Variants in ZNF525 observed in about 807,000 individuals in gnomAD.
ZNF525 encodes zinc finger protein 525.
ZNF525 carries 33 observed loss-of-function variants against 37.6 expected under a neutral mutation model. The observed-to-expected ratio is 0.88, with a 90% CI of 0.67 to 1.17. ZNF525 has a LOEUF of 1.17. Among genes scored for constraint, ZNF525 ranks in the 50% most tolerant of loss-of-function variants. The pLI, the probability that ZNF525 is intolerant of heterozygous loss-of-function variation, is 0.00. For synonymous variants in ZNF525, 170 were observed against 182.3 expected, an observed-to-expected ratio of 0.93 and a Z score of 0.54; for missense variants, 449 against 543.1, an observed-to-expected ratio of 0.83 and a Z score of 1.72.
chr19:53,370,418 A>C (rs1457793273), intron 1 of ZNF525, among the ~76,000 whole-genome samples: 4 of 149,086 alleles, frequency 2.7e-5, no homozygotes, highest in Non-Finnish European at 6.0e-5. Flanking sequence ...CATGTCAAAA[A>C]AAAAAAAAAA....
chr19:53,372,626 G>A (rs1045212290), intron 2 of ZNF525, among the ~76,000 whole-genome samples: 2 of 152,194 alleles, frequency 1.3e-5, no homozygotes, highest in African/African-American at 2.4e-5. Context: ...AGCTCTCTGT[G>A]GACCAGGATT....
At chr19:53,377,290 G>T (rs2085529044) in intron 3 of ZNF525, among the ~76,000 whole-genome samples, 1 of 152,132 alleles carries the variant, frequency 6.6e-6, no homozygotes, top group Non-Finnish European at 1.5e-5. Flanking sequence ...CAATTCTCCT[G>T]CCTCAGTTTC....
rs373308568 is a variant in ZNF525, at chr19:53,381,682, C to A, written c.1103C>A (p.Ser368Ter). 17 of 1,124,522 alleles carry A rather than the reference C, an allele frequency of 1.5e-5. No homozygotes were observed. The South Asian group carries it at 1.9e-4, about 12-fold the overall frequency. The allele number at this position is 1,124,522 out of a possible 1,614,324, so 69.7% of individuals were successfully genotyped here. A position where few individuals can be genotyped will look rare whatever the true frequency, so the allele number is the denominator to read the frequency against. The change falls in exon 4 of 4, where the codon TCA (serine) becomes TAA (stop). Residue 368 changes from serine (S) to a stop codon, truncating the protein, a stop_gained. Transcript: ENST00000474037. LOFTEE classifies it high-confidence loss of function. ...EECDKAFSFK[S>*]NLESHRITHT... ...TGTGACAAAGCTTTCAGTTTCAAATCAAACCTTGAAAGTCATAGGATAACT... is the reference window on the plus strand; with the variant it reads ...TGTGACAAAGCTTTCAGTTTCAAATAAAACCTTGAAAGTCATAGGATAACT...
intron 1 of ZNF525, among the ~76,000 whole-genome samples, chr19:53,367,278 C>T (rs541803544): frequency 8.6e-5 from 13 of 151,738 alleles, no homozygotes; most frequent in South Asian, 4.2e-4. Flanking sequence ...TTAACCCTTG[C>T]CTTGCCTGTT....
At position 53,382,713 on chromosome 19, in the gene ZNF525, A is replaced by G; in HGVS notation, c.*694A>G. The G allele has an allele frequency of 1.3e-6, 1 of 765,288 alleles. No individual in the cohort carries two copies. The highest frequency in any genetic ancestry group is 2.3e-6 in the Non-Finnish European group (1 of 427,566). The allele number at this position is 765,288 out of a possible 1,614,324, so 47.4% of individuals were successfully genotyped here. ...ACTATTGCAAATCATTGGAGAATCC[A>G]TAATAAAGAGAGACCTTACAAGTGT... On this transcript the variant is annotated 3_prime_UTR_variant, in exon 4 of 4. Coordinates refer to ENST00000474037, the MANE Select transcript of ZNF525 (RefSeq NM_001348156.2).
chr19:53,366,811 G>A lies in ZNF525; in HGVS notation c.-68+1052G>A, dbSNP rs1343614625. 4.8e-5 allele frequency among the ~76,000 whole-genome samples: 7 copies of A among 146,164 alleles called. No individual in the cohort carries two copies. The South Asian group carries it at 1.1e-3, about 23-fold the overall frequency. On this transcript the variant is annotated intron_variant, in intron 1 of 3. Transcript: ENST00000474037. The stretch of plus-strand genomic sequence containing the variant: ...GAGAGTGGGGACAGGGGGTATAACA[G>A]AGAAGAGAGAATTTAACGGGGAGAG...
In ZNF525 at chr19:53,383,672, G is replaced by A. The variant is rs1420589393; in HGVS notation, c.*1653G>A. ...TGACTAACGTAATGATTCTCACAAC[G>A]TCTTCAGTAATGCTACAACCATTGT... On this transcript the variant is annotated 3_prime_UTR_variant, in exon 4 of 4. Coordinates refer to ENST00000474037, the MANE Select transcript of ZNF525 (RefSeq NM_001348156.2). 12 of 755,030 alleles carry A rather than the reference G, an allele frequency of 1.6e-5. No individual in the cohort carries two copies. The highest frequency in any genetic ancestry group is 3.2e-5 in the South Asian group (2 of 63,358). The allele number at this position is 755,030 out of a possible 1,614,324, so 46.8% of individuals were successfully genotyped here.
rs1230470017 is a variant in ZNF525, at chr19:53,384,406, A to G, written c.*2387A>G. On this transcript the variant is annotated 3_prime_UTR_variant, in exon 4 of 4. Coordinates refer to ENST00000474037, the MANE Select transcript of ZNF525 (RefSeq NM_001348156.2). ...CTAGATTACATTGGGTTATATAATC[A>G]TTTAACATATTAATTTTTCCAAACC... 6.3e-6 allele frequency: 1 copy of G among 157,760 alleles called. No homozygotes were observed. Among genetic ancestry groups the G allele is most frequent in the Non-Finnish European group, 1.4e-5 (1 of 71,540 alleles). 9.8% of individuals were successfully genotyped at this position (157,760 alleles called of 1,614,324 possible).
intron 3 of ZNF525, among the ~76,000 whole-genome samples, chr19:53,379,219 G>A (rs1416583310): frequency 6.6e-6 from 1 of 151,992 alleles, no homozygotes; most frequent in East Asian, 1.9e-4. Flanking sequence ...GGGTTCAAAC[G>A]ATTCTCTTGC....
chr19:53,384,975 C>G lies in ZNF525; in HGVS notation c.*2956C>G, dbSNP rs889448815. 1 of 701,812 alleles carries G rather than the reference C, an allele frequency of 1.4e-6. No individual in the cohort carries two copies. Among genetic ancestry groups the G allele is most frequent in the Admixed American group, 2.0e-5 (1 of 49,800 alleles). The allele number at this position is 701,812 out of a possible 1,614,324, so 43.5% of individuals were successfully genotyped here. On this transcript the variant is annotated 3_prime_UTR_variant, in exon 4 of 4. Coordinates refer to ENST00000474037, the MANE Select transcript of ZNF525 (RefSeq NM_001348156.2). ...TCCTTTTCTATTTTGTTTAGGATTT[C>G]TATGATGACTGGATTTTGAATTTTG...
At chr19:53,376,433 C>A (rs1164797590) in intron 3 of ZNF525, 3 of 602,966 alleles carry the variant, frequency 5.0e-6, no homozygotes, top group Admixed American at 3.2e-5. Context: ...TACATATTAT[C>A]TGTATTTCTT....
chr19:53,377,983 T>C (rs1189400034), intron 3 of ZNF525, among the ~76,000 whole-genome samples: 2 of 152,188 alleles, frequency 1.3e-5, no homozygotes, highest in Non-Finnish European at 2.9e-5. Context: ...ATGTGAATCA[T>C]GAGATGCTTC....
chr19:53,380,392 T>C (rs1441911430), intron 3 of ZNF525, among the ~76,000 whole-genome samples: 1 of 152,224 alleles, frequency 6.6e-6, no homozygotes, highest in Non-Finnish European at 1.5e-5. Flanking sequence ...TCCTTTAGTA[T>C]TTATTTGTAT....
intron 3 of ZNF525, chr19:53,376,559 A>T: frequency 1.9e-6 from 1 of 521,516 alleles, no homozygotes; most frequent in Non-Finnish European, 3.3e-6. Flanking sequence ...ACACGCTTTG[A>T]CTCCTTTCTT....
Position 53,384,711 on chromosome 19 carries a change from C to T in ZNF525, c.*2692C>T, listed in dbSNP as rs2085593076. On this transcript the variant is annotated 3_prime_UTR_variant, in exon 4 of 4. Coordinates refer to ENST00000474037, the MANE Select transcript of ZNF525 (RefSeq NM_001348156.2). The stretch of plus-strand genomic sequence containing the variant: ...TTGGTTGAGTCTGTGATTTTCTACA[C>T]AGAAGGTCATGTCGTCTACAAACAA... 2.6e-6 allele frequency: 1 copy of T among 389,212 alleles called. No homozygotes were observed. The allele number at this position is 389,212 out of a possible 1,614,324, so 24.1% of individuals were successfully genotyped here. A position where few individuals can be genotyped will look rare whatever the true frequency, so the allele number is the denominator to read the frequency against.
chr19:53,376,850 A>T (rs1600020649), intron 3 of ZNF525, among the ~76,000 whole-genome samples: 2 of 152,188 alleles, frequency 1.3e-5, no homozygotes, highest in Non-Finnish European at 1.5e-5. Flanking sequence ...GGTGCCTGTA[A>T]TCCCTGCTAC....
chr19:53,367,987 C>G (rs1487875469), intron 1 of ZNF525, among the ~76,000 whole-genome samples: 3 of 152,032 alleles, frequency 2.0e-5, no homozygotes, highest in Admixed American at 6.5e-5. Context: ...TTTCAGGGGG[C>G]CAGTCTGTAT....
rs2085586399 is a variant in ZNF525, at chr19:53,383,871, GGA to G, written c.*1855_*1856del. On this transcript the variant is annotated 3_prime_UTR_variant, in exon 4 of 4. Transcript: ENST00000474037. ...GTCAAGCTTCATCTTTTGCAAAACAGGAGAATTCATACAGGAGAGAAACCTCA... is the reference window on the plus strand; with the variant it reads ...GTCAAGCTTCATCTTTTGCAAAACAGGAATTCATACAGGAGAGAAACCTCA... 1.7e-6 allele frequency: 1 copy of G among 587,790 alleles called. No homozygotes were observed. The highest frequency in any genetic ancestry group is 1.9e-5 in the African/African-American group (1 of 53,654). The allele number at this position is 587,790 out of a possible 1,614,324, so 36.4% of individuals were successfully genotyped here. A position where few individuals can be genotyped will look rare whatever the true frequency, so the allele number is the denominator to read the frequency against.
chr19:53,376,972 GA>G (rs561383683), intron 3 of ZNF525, among the ~76,000 whole-genome samples: 2 of 151,978 alleles, frequency 1.3e-5, no homozygotes, highest in Non-Finnish European at 2.9e-5. Context: ...CTGTCTCAAA[GA>G]AAAAAAGATT....
Sources: allele counts gnomAD v4.1 joint callset (sites outside exome capture counted in the v4.1 genomes callset), GRCh38; gene constraint gnomAD v4.1.1; transcripts MANE v1.5; gene names NCBI Gene and HGNC (gene_info 2026-07-23, HGNC 2026-07-21).